Variants in ACTN1 observed in about 807,000 individuals in gnomAD.
The protein encoded by ACTN1 is alpha-actinin-1.
Under a neutral mutation model 119.6 loss-of-function variants are expected in ACTN1, and 30 were observed. The ratio of observed to expected loss-of-function variants is 0.25; its 90% confidence interval spans 0.19 to 0.34. ACTN1 has a LOEUF of 0.34. ACTN1 is among the 10% of genes least tolerant of loss of function. The probability of loss-of-function intolerance (pLI) is 1.00; values close to 1 mark genes in which losing one functional copy is unlikely to be tolerated. For synonymous variants in ACTN1, 429 were observed against 472.6 expected (o/e 0.91, Z 1.20); for missense variants, 764 against 1,223.4 (o/e 0.62, Z 5.60).
chr14:68,885,348 C>T lies in ACTN1; in HGVS notation c.1385+77G>A, dbSNP rs1419763019. On this transcript the variant is annotated intron_variant, in intron 12 of 21. Transcript: ENST00000394419. This position sits in a 1 kb window ranked among gnomAD's most constrained non-coding sequence, Gnocchi z 5.6. ...ACCCTCCCCATCTTCCACGGCCACA[C>T]CCCCACCTCCCCCAGCAGCTGAGAA... is the stretch of plus-strand genomic sequence containing the variant. 13 of 1,498,130 alleles carry T rather than the reference C, an allele frequency of 8.7e-6. No homozygotes were observed. The highest frequency in any genetic ancestry group is 1.2e-5 in the Non-Finnish European group (13 of 1,117,778). 92.8% of individuals were successfully genotyped at this position (1,498,130 alleles called of 1,614,324 possible). A position where few individuals can be genotyped will look rare whatever the true frequency, so the allele number is the denominator to read the frequency against.
At chr14:68,889,589 G>T (rs892335058) in intron 11 of ACTN1, among the ~76,000 whole-genome samples, 2 of 152,214 alleles carry the variant, frequency 1.3e-5, no homozygotes, top group African/African-American at 2.4e-5. Context: ...GAGATCAGGA[G>T]TTCAAAACCA....
At chr14:68,937,340 T>G (rs1331170716) in intron 1 of ACTN1, among the ~76,000 whole-genome samples, 1 of 152,152 alleles carries the variant, frequency 6.6e-6, no homozygotes, top group East Asian at 1.9e-4. Flanking sequence ...TCTGGGATTA[T>G]TTGGCAAGGG....
At chr14:68,884,727 C>G in intron 13 of ACTN1, 48 bp downstream of exon 13, 1 of 1,506,488 alleles carries the variant, frequency 6.6e-7, no homozygotes, top group Non-Finnish European at 9.2e-7. Context: ...GAAGGGGCAC[C>G]ACAGGGCTGC....
intron 1 of ACTN1, among the ~76,000 whole-genome samples, chr14:68,928,279 C>G (rs1050332147): frequency 2.0e-5 from 3 of 152,160 alleles, no homozygotes; most frequent in African/African-American, 7.2e-5. Context: ...AAAAGCCAGG[C>G]TCAGCCCTGG....
intron 14 of ACTN1, 122 bp from the exon 15 acceptor site, chr14:68,883,177 C>G: frequency 9.2e-7 from 1 of 1,087,318 alleles, no homozygotes; most frequent in Non-Finnish European, 1.3e-6. Context: ...TTCAAAGATT[C>G]TTGTGGCTGA....
At chr14:68,944,491 TG>T (rs999774316) in intron 1 of ACTN1, among the ~76,000 whole-genome samples, 5 of 152,210 alleles carry the variant, frequency 3.3e-5, no homozygotes, top group Admixed American at 3.3e-4. Context: ...GGTTACATCG[TG>T]GGCAAATACA....
chr14:68,952,093 G>C (rs2036190091), intron 1 of ACTN1, among the ~76,000 whole-genome samples: 1 of 152,220 alleles, frequency 6.6e-6, no homozygotes, highest in Non-Finnish European at 1.5e-5. Context: ...TGAGAGCTGA[G>C]GGAGGTCTGG....
intron 1 of ACTN1, among the ~76,000 whole-genome samples, chr14:68,956,148 G>A (rs8015876): frequency 0.21 from 32,279 of 151,840 alleles, 3,568 homozygotes; most frequent in Non-Finnish European, 0.24. Flanking sequence ...CTGGGTTACA[G>A]AACGATGAAG....
intron 1 of ACTN1, chr14:68,947,369 A>T (rs1315226534): frequency 6.6e-6 from 1 of 152,244 alleles, no homozygotes; most frequent in East Asian, 1.9e-4. Flanking sequence ...CCTACCAGGT[A>T]TGGGATGCCA....
chr14:68,972,690 A>T (rs1329592313), intron 1 of ACTN1, among the ~76,000 whole-genome samples: 2 of 152,238 alleles, frequency 1.3e-5, no homozygotes. Flanking sequence ...TATAAGCGGC[A>T]GAGCAAAGTT....
At chr14:68,883,781 A>C (rs1222760782) in intron 14 of ACTN1, among the ~76,000 whole-genome samples, 2 of 152,140 alleles carry the variant, frequency 1.3e-5, no homozygotes, top group Non-Finnish European at 2.9e-5. Context: ...TTGTCTCTAA[A>C]AAAATAAAAT....
chr14:68,937,022 A>G (rs1431148429), intron 1 of ACTN1, among the ~76,000 whole-genome samples: 3 of 151,918 alleles, frequency 2.0e-5, no homozygotes, highest in South Asian at 4.2e-4. Flanking sequence ...AACCATTTCA[A>G]CTTTTTTGGA....
intron 3 of ACTN1, among the ~76,000 whole-genome samples, chr14:68,913,377 G>GT (rs2034114026): frequency 6.6e-6 from 1 of 152,158 alleles, no homozygotes; most frequent in South Asian, 2.1e-4. Flanking sequence ...TCAGTTAAGA[G>GT]TAAGGTACCC....
intron 1 of ACTN1, among the ~76,000 whole-genome samples, chr14:68,936,367 T>C (rs2035510045): frequency 6.6e-6 from 1 of 152,086 alleles, no homozygotes; most frequent in Non-Finnish European, 1.5e-5. Flanking sequence ...AGAACATTCC[T>C]AGCAGGACAC....
intron 8 of ACTN1, 23 bp from the exon 9 acceptor site, chr14:68,893,770 C>A: frequency 6.2e-7 from 1 of 1,611,518 alleles, no homozygotes; most frequent in South Asian, 1.1e-5. Context: ...CAGAGAGAGT[C>A]ACGACCAGCC....
chr14:68,893,406 A>G (rs1396763948), intron 9 of ACTN1, among the ~76,000 whole-genome samples: 2 of 152,178 alleles, frequency 1.3e-5, no homozygotes, highest in Non-Finnish European at 2.9e-5. Context: ...TTGACAAGTG[A>G]AAAAAACAAG....
intron 1 of ACTN1, among the ~76,000 whole-genome samples, chr14:68,958,114 A>T (rs1389517782): frequency 6.6e-6 from 1 of 152,218 alleles, no homozygotes; most frequent in Non-Finnish European, 1.5e-5. Context: ...GAATCTACTA[A>T]GAAGCCAATC....
At chr14:68,940,935 A>G (rs896987750) in intron 1 of ACTN1, among the ~76,000 whole-genome samples, 8 of 152,216 alleles carry the variant, frequency 5.3e-5, no homozygotes, top group African/African-American at 1.9e-4. Flanking sequence ...TCTGTCCCAC[A>G]GTCCACCCCT....
intron 13 of ACTN1, 141 bp downstream of exon 13, chr14:68,884,634 C>T: frequency 1.3e-6 from 1 of 755,538 alleles, no homozygotes; most frequent in Admixed American, 2.7e-5. Flanking sequence ...CAAAGTGAAT[C>T]TTCCACATTT....
Sources: gnomAD v4.1 joint callset for allele counts (sites outside exome capture counted in the v4.1 genomes callset) on GRCh38, gnomAD v4.1.1 for gene constraint, Gnocchi (gnomAD v3.1) non-coding constraint, MANE v1.5 for transcripts, NCBI Gene and HGNC (gene_info 2026-07-23, HGNC 2026-07-21) for gene names.